PPP2R2C: variants seen among roughly 807,000 people sequenced by gnomAD.
PPP2R2C encodes the protein protein phosphatase 2 regulatory subunit Bgamma.
Under a neutral mutation model 45.3 loss-of-function variants are expected in PPP2R2C, and 10 were observed. That is an observed-to-expected ratio of 0.22 (90% CI 0.14 to 0.37). PPP2R2C has a LOEUF of 0.37. Among genes scored for constraint, PPP2R2C ranks in the 10% least tolerant of loss-of-function variants. The pLI, the probability that PPP2R2C is intolerant of heterozygous loss-of-function variation, is 1.00. For synonymous variants in PPP2R2C, 257 were observed against 245.4 expected, an observed-to-expected ratio of 1.05 and a Z score of -0.44; for missense variants, 308 against 619.7, an observed-to-expected ratio of 0.50 and a Z score of 5.34.
At chr4:6,413,869 C>G (rs1466698749) in intron 1 of PPP2R2C, 4 of 1,536,024 alleles carry the variant, frequency 2.6e-6, no homozygotes, top group Non-Finnish European at 3.5e-6. Flanking sequence ...GGGGACCCTC[C>G]CAACTCTCAT....
chr4:6,465,508 G>T, intron 1 of PPP2R2C, among the ~76,000 whole-genome samples: 1 of 152,262 alleles, frequency 6.6e-6, no homozygotes, highest in South Asian at 2.1e-4. Flanking sequence ...CCTATAATTC[G>T]TGGGGCACAG....
At chr4:6,526,482 T>C (rs1235213851) in intron 2 of PPP2R2C, among the ~76,000 whole-genome samples, 2 of 152,240 alleles carry the variant, frequency 1.3e-5, no homozygotes, top group Admixed American at 1.3e-4. Context: ...GTGGTGATGG[T>C]TGTATAACAT....
intron 1 of PPP2R2C, among the ~76,000 whole-genome samples, chr4:6,392,573 G>A (rs1406848275): frequency 6.6e-6 from 1 of 152,242 alleles, no homozygotes; most frequent in African/African-American, 2.4e-5. Flanking sequence ...CAAAGGCCCT[G>A]AGGTAGGGTG....
chr4:6,351,401 C>T, intron 5 of PPP2R2C: 2 of 983,624 alleles, frequency 2.0e-6, no homozygotes, highest in Non-Finnish European at 2.4e-6. Context: ...ACACCCGAGC[C>T]ACGGCAACCC....
rs538731586 is a variant in PPP2R2C, at chr4:6,422,138, A to G, written c.71-41044T>C. 5.3e-5 allele frequency among the ~76,000 whole-genome samples: 8 copies of G among 152,184 alleles called. No homozygotes were observed. In the East Asian group the frequency reaches 1.5e-3, roughly 29 times the overall value. ...AACCAGTCTTCAGAGGCTCACACCA[A>G]AAGGGGGAATTGAGACCCAAGACTT... On this transcript the variant is annotated intron_variant, in intron 1 of 8. Transcript: ENST00000382599.
chr4:6,489,641 G>GT (rs1329787464), intron 2 of PPP2R2C, among the ~76,000 whole-genome samples: 1 of 152,178 alleles, frequency 6.6e-6, no homozygotes, highest in Non-Finnish European at 1.5e-5. Flanking sequence ...GGTTATCTCA[G>GT]TGAGAATTGA....
Position 6,324,914 on chromosome 4 carries a change from G to A in PPP2R2C, c.1053-1321C>T, listed in dbSNP as rs1203704305. 2.0e-5 allele frequency among the ~76,000 whole-genome samples: 3 copies of A among 152,228 alleles called. No homozygotes were observed. Among genetic ancestry groups the A allele is most frequent in the Admixed American group, 6.5e-5 (1 of 15,288 alleles). On this transcript the variant is annotated intron_variant, in intron 8 of 8. Coordinates refer to ENST00000382599, the MANE Select transcript of PPP2R2C (RefSeq NM_020416.4). The surrounding 1 kb of genome is among the most constrained non-coding windows in gnomAD (Gnocchi z 4.1). ...TAACTGGGGAGGAAGAGGATGTTAC[G>A]AAAAGCGACCATAAAGAAGTTGTCC... is the stretch of plus-strand genomic sequence containing the variant.
intron 1 of PPP2R2C, among the ~76,000 whole-genome samples, chr4:6,553,251 G>A (rs1381727745): frequency 6.6e-6 from 1 of 152,234 alleles, no homozygotes; most frequent in East Asian, 1.9e-4. Flanking sequence ...AGCTCTGACT[G>A]GTGCCTCCCA....
chr4:6,359,406 G>A (rs1713526348), intron 5 of PPP2R2C, among the ~76,000 whole-genome samples: 2 of 152,076 alleles, frequency 1.3e-5, no homozygotes, highest in Non-Finnish European at 2.9e-5. Context: ...ATGACGAGTT[G>A]ATGGGTGCAG....
At position 6,331,381 on chromosome 4, in the gene PPP2R2C, G is replaced by A. The variant is rs1732404269; in HGVS notation, c.961-2028C>T. Among the ~76,000 whole-genome samples the A allele has an allele frequency of 6.6e-6, 1 of 152,008 alleles. No individual in the cohort carries two copies. Among genetic ancestry groups the A allele is most frequent in the African/African-American group, 2.4e-5 (1 of 41,368 alleles). On this transcript the variant is annotated intron_variant, in intron 7 of 8. Transcript: ENST00000382599. The surrounding 1 kb of genome is among the most constrained non-coding windows in gnomAD (Gnocchi z 5.9). ...GCCCCACCTCCCAGGACAGCTGGGAGGCTTAGATGAGGCAAAGCATATTAT... is the reference window on the plus strand; with the variant it reads ...GCCCCACCTCCCAGGACAGCTGGGAAGCTTAGATGAGGCAAAGCATATTAT...
At chr4:6,511,822 G>A (rs1577230115) in intron 2 of PPP2R2C, among the ~76,000 whole-genome samples, 3 of 47,820 alleles carry the variant, frequency 6.3e-5, no homozygotes, top group African/African-American at 8.1e-5. Context: ...GGTGGTGATG[G>A]TGGTGGTGGT....
In PPP2R2C at chr4:6,549,719, C is replaced by T. The variant is rs368602121; in HGVS notation, c.-59+13841G>A. On this transcript the variant is annotated intron_variant, in intron 1 of 9. Coordinates refer to the PPP2R2C transcript ENST00000506140. The stretch of plus-strand genomic sequence containing the variant: ...AGGATAACGGGAGGCACCTGCAGCA[C>T]GGGCAGTAGCTGGAGCCCACGGATG... Among the ~76,000 whole-genome samples, 11 of 152,346 alleles carry T rather than the reference C, an allele frequency of 7.2e-5. No homozygotes were observed. In the East Asian group the frequency reaches 1.7e-3, roughly 24 times the overall value.
upstream of PPP2R2C, among the ~76,000 whole-genome samples, chr4:6,475,156 C>T (rs999141710): frequency 6.6e-6 from 1 of 152,038 alleles, no homozygotes. Context: ...ATGACTGGTG[C>T]AGAGGAGAAG....
chr4:6,468,449 T>C (rs1721693525), intron 1 of PPP2R2C, among the ~76,000 whole-genome samples: 1 of 152,198 alleles, frequency 6.6e-6, no homozygotes, highest in South Asian at 2.1e-4. Context: ...ACATCCTTTA[T>C]GCAGATGCAA....
chr4:6,430,742 T>C (rs909839760), intron 1 of PPP2R2C, among the ~76,000 whole-genome samples: 3 of 152,180 alleles, frequency 2.0e-5, no homozygotes, highest in African/African-American at 4.8e-5. Flanking sequence ...CTGGCCAACA[T>C]GGTGAAACAC....
At chr4:6,358,710 G>C (rs565623143) in intron 5 of PPP2R2C, among the ~76,000 whole-genome samples, 31 of 152,276 alleles carry the variant, frequency 2.0e-4, no homozygotes, top group African/African-American at 7.5e-4. Flanking sequence ...CTTTTCAAAA[G>C]AAGACATTTA....
chr4:6,350,335 A>G (rs1712425862), intron 5 of PPP2R2C: 1 of 985,462 alleles, frequency 1.0e-6, no homozygotes, highest in Non-Finnish European at 1.2e-6. Context: ...ACTTCACTAA[A>G]GTGGGATCCA....
At chr4:6,508,474 A>C (rs1398872933) in intron 2 of PPP2R2C, among the ~76,000 whole-genome samples, 1 of 151,958 alleles carries the variant, frequency 6.6e-6, no homozygotes, top group African/African-American at 2.4e-5. Flanking sequence ...CTGTAATCCC[A>C]GCTACTCGGG....
chr4:6,552,189 A>AT (rs921221967), intron 1 of PPP2R2C, among the ~76,000 whole-genome samples: 10 of 152,100 alleles, frequency 6.6e-5, no homozygotes, highest in Non-Finnish European at 1.5e-5. Flanking sequence ...TCTCCCTGCA[A>AT]TTTTTTCATT....
Sources: allele counts gnomAD v4.1 joint callset (sites outside exome capture counted in the v4.1 genomes callset), GRCh38; gene constraint gnomAD v4.1.1; non-coding constraint Gnocchi (gnomAD v3.1); transcripts MANE v1.5; gene names NCBI Gene and HGNC (gene_info 2026-07-23, HGNC 2026-07-21).